Variants in LRP2 observed in about 807,000 individuals in gnomAD.
The protein encoded by LRP2 is low-density lipoprotein receptor-related protein 2.
A neutral mutation model predicts 531.0 loss-of-function variants in LRP2; 172 were observed. The ratio of observed to expected loss-of-function variants is 0.32; its 90% CI spans 0.29 to 0.37. The LOEUF (loss-of-function observed/expected upper bound fraction) is 0.37, where lower values mean the gene tolerates loss of function less well. Ranked by LOEUF, LRP2 falls within the 10% of genes least tolerant of loss-of-function variation. The probability of loss-of-function intolerance (pLI) is 1.00; values close to 1 mark genes in which losing one functional copy is unlikely to be tolerated. For synonymous variants in LRP2, 1,992 were observed against 2,027.6 expected (o/e 0.98, Z 0.47); for missense variants, 5,167 against 5,868.3 (o/e 0.88, Z 3.90).
chr2:169,236,743 G>A (rs576506689), intron 28 of LRP2, among the ~76,000 whole-genome samples: 2 of 152,218 alleles, frequency 1.3e-5, no homozygotes, highest in African/African-American at 4.8e-5. Context: ...CTTTTTTGTT[G>A]TATAATCATG....
chr2:169,238,734 C>T (rs994280919), intron 26 of LRP2, among the ~76,000 whole-genome samples: 1 of 152,076 alleles, frequency 6.6e-6, no homozygotes, highest in South Asian at 2.1e-4. Flanking sequence ...TCTCCCAACA[C>T]CCCCTCTCTT....
chr2:169,157,957 T>TAAAAAA (rs60891675), intron 63 of LRP2, among the ~76,000 whole-genome samples: 2 of 145,974 alleles, frequency 1.4e-5, no homozygotes, highest in South Asian at 4.3e-4. Context: ...AATAAATAAA[T>TAAAAAA]AAAAGACATG....
At chr2:169,205,949 A>G in intron 40 of LRP2, 74 bp downstream of exon 40, 3 of 1,567,088 alleles carry the variant, frequency 1.9e-6, no homozygotes, top group Non-Finnish European at 1.8e-6. Flanking sequence ...TTGGCTATCT[A>G]TGAACATAAT....
At chr2:169,301,029 C>G (rs900935925) in intron 4 of LRP2, among the ~76,000 whole-genome samples, 12 of 151,980 alleles carry the variant, frequency 7.9e-5, no homozygotes, top group Non-Finnish European at 1.8e-4. Flanking sequence ...ACAAAGCAGC[C>G]CCAGTTGCAG....
Position 169,146,897 on chromosome 2 carries a change from T to C in LRP2, c.12653A>G (p.Glu4218Gly). Residue 4218 changes from glutamate to glycine, a missense_variant, in exon 69 of 79, where the codon GAG becomes GGG. By Grantham distance (98) the Glu-to-Gly change is moderately conservative (BLOSUM62 -2). This residue lies in a region of LRP2 where 564 missense variants were observed against 747.7 expected (regional missense o/e 0.75). Coordinates refer to ENST00000649046, the MANE Select transcript of LRP2 (RefSeq NM_004525.3). ...PKIESAWMNG[E>G]DRNILVFEDL... ...CTCGAAAACCAGGATGTTGCGGTCC[T>C]CTCCATTCATCCAGGCAGACTCGAT... 2 of 1,614,098 alleles carry C rather than the reference T, an allele frequency of 1.2e-6. No individual in the cohort carries two copies. The highest frequency in any genetic ancestry group is 1.7e-6 in the Non-Finnish European group (2 of 1,180,008).
At chr2:169,262,772 G>C (rs1279586320) in intron 16 of LRP2, among the ~76,000 whole-genome samples, 6 of 151,246 alleles carry the variant, frequency 4.0e-5, no homozygotes, top group African/African-American at 1.5e-4. Flanking sequence ...AACCAAAAAA[G>C]AGCCCGCATC....
intron 33 of LRP2, among the ~76,000 whole-genome samples, chr2:169,222,325 A>G (rs1044971514): frequency 1.3e-5 from 2 of 152,220 alleles, no homozygotes; most frequent in Non-Finnish European, 2.9e-5. Context: ...TTCCTCAGCC[A>G]TAAACTCCAC....
chr2:169,313,961 G>C (rs1253457486), intron 3 of LRP2, among the ~76,000 whole-genome samples: 2 of 152,194 alleles, frequency 1.3e-5, no homozygotes, highest in Non-Finnish European at 1.5e-5. Flanking sequence ...CTGCAAAACT[G>C]TCAGGGATCC....
chr2:169,285,176 G>A (rs544069431), intron 9 of LRP2, among the ~76,000 whole-genome samples: 6 of 150,024 alleles, frequency 4.0e-5, no homozygotes, highest in Non-Finnish European at 8.9e-5. Context: ...AAAAAAATTA[G>A]CCAGGCATGG....
intron 9 of LRP2, among the ~76,000 whole-genome samples, chr2:169,287,196 T>C (rs1211008893): frequency 6.6e-6 from 1 of 152,220 alleles, no homozygotes; most frequent in Non-Finnish European, 1.5e-5. Flanking sequence ...ATGGTAATGA[T>C]AACAATAAAA....
At chr2:169,256,537 A>G (rs1490871409) in intron 18 of LRP2, among the ~76,000 whole-genome samples, 1 of 152,112 alleles carries the variant, frequency 6.6e-6, no homozygotes, top group Admixed American at 6.6e-5. Context: ...GTAGTAATCT[A>G]TGTTTAAAAG....
intron 31 of LRP2, among the ~76,000 whole-genome samples, chr2:169,227,063 C>T (rs149239857): frequency 1.2e-3 from 181 of 152,126 alleles, no homozygotes; most frequent in African/African-American, 4.3e-3. Flanking sequence ...TAAAACAACA[C>T]TACAAAGTGT....
chr2:169,149,971 TC>T (rs1235891568), intron 68 of LRP2, among the ~76,000 whole-genome samples: 1 of 152,142 alleles, frequency 6.6e-6, no homozygotes, highest in African/African-American at 2.4e-5. Flanking sequence ...AACAGTCACA[TC>T]ATTCACACCA....
At chr2:169,354,110 C>A (rs1685928129) in intron 1 of LRP2, among the ~76,000 whole-genome samples, 1 of 152,176 alleles carries the variant, frequency 6.6e-6, no homozygotes, top group African/African-American at 2.4e-5. Context: ...AAGTGACAAG[C>A]AAATCACTGA....
rs1450520214 is a variant in LRP2, at chr2:169,176,636, T to C, written c.10394-48A>G. The C allele has an allele frequency of 2.0e-6, 3 of 1,538,340 alleles. No homozygotes were observed. In the African/African-American group the frequency reaches 4.1e-5, roughly 21 times the overall value. ...TGTGTTCATTTGCTGAAAGAGAGTATCAAGCACAGATTAGCTGATTACACA... is the reference window on the plus strand; with the variant it reads ...TGTGTTCATTTGCTGAAAGAGAGTACCAAGCACAGATTAGCTGATTACACA... On this transcript the variant is annotated intron_variant, in intron 53 of 78. Coordinates refer to ENST00000649046, the MANE Select transcript of LRP2 (RefSeq NM_004525.3).
chr2:169,180,116 A>G (rs747314196), intron 52 of LRP2, among the ~76,000 whole-genome samples: 1 of 152,208 alleles, frequency 6.6e-6, no homozygotes, highest in Non-Finnish European at 1.5e-5. Context: ...ATGCTGAGTG[A>G]CACCTACTAA....
At chr2:169,270,127 G>A (rs1353994233) in intron 16 of LRP2, among the ~76,000 whole-genome samples, 1 of 152,170 alleles carries the variant, frequency 6.6e-6, no homozygotes, top group Admixed American at 6.5e-5. Context: ...AGAGGATGTG[G>A]AGATATAGGA....
At chr2:169,140,609 C>T (rs1373286793) in intron 71 of LRP2, 64 bp from the exon 72 acceptor site, 1 of 1,275,562 alleles carries the variant, frequency 7.8e-7, no homozygotes, top group Non-Finnish European at 1.1e-6. Flanking sequence ...CCACACCATG[C>T]AAACCGGCCC....
chr2:169,173,194 G>T lies in LRP2; in HGVS notation c.11045C>A (p.Thr3682Lys). Reference protein sequence around the residue: ...MSSAHLCDNFTEFSCKTNYRC... With the variant: ...MSSAHLCDNFKEFSCKTNYRC... ...GTAATTTGTTTTGCAGCTGAATTCTGTGAAGTTGTCACAGAGATGGGCAGA... is the reference window on the plus strand; with the variant it reads ...GTAATTTGTTTTGCAGCTGAATTCTTTGAAGTTGTCACAGAGATGGGCAGA... The change falls in exon 57 of 79, where the codon ACA becomes AAA. Residue 3682 changes from threonine to lysine, a missense_variant. Transcript: ENST00000649046. The T allele has an allele frequency of 6.2e-7, 1 of 1,614,200 alleles. No homozygotes were observed. The highest frequency in any genetic ancestry group is 8.5e-7 in the Non-Finnish European group (1 of 1,180,038).
Sources: allele counts gnomAD v4.1 joint callset (sites outside exome capture counted in the v4.1 genomes callset), GRCh38; gene constraint gnomAD v4.1.1; regional missense constraint gnomAD v4.1.1; transcripts MANE v1.5; gene names NCBI Gene and HGNC (gene_info 2026-07-23, HGNC 2026-07-21).